PPP5C: variants seen among roughly 807,000 people sequenced by gnomAD.
PPP5C encodes the protein protein phosphatase 5 catalytic subunit.
In PPP5C, 21 loss-of-function variants were observed where a neutral mutation model predicts 66.7. The ratio of observed to expected loss-of-function variants is 0.31; its 90% confidence interval spans 0.22 to 0.45. PPP5C has a LOEUF of 0.45. Among genes scored for constraint, PPP5C ranks in the 20% least tolerant of loss-of-function variants. The pLI, the probability that PPP5C is intolerant of heterozygous loss-of-function variation, is 1.00. For synonymous variants in PPP5C, 246 were observed against 257.4 expected (o/e 0.96, Z 0.43); for missense variants, 464 against 675.9 (o/e 0.69, Z 3.48).
chr19:46,347,802 A>C (rs1007255422), intron 1 of PPP5C, among the ~76,000 whole-genome samples: 3 of 152,164 alleles, frequency 2.0e-5, no homozygotes, highest in African/African-American at 7.2e-5. Flanking sequence ...TGGGGCACCC[A>C]TTCATTCATT....
chr19:46,371,520 C>T (rs1239745328), intron 2 of PPP5C, among the ~76,000 whole-genome samples: 1 of 152,152 alleles, frequency 6.6e-6, no homozygotes, highest in Non-Finnish European at 1.5e-5. Context: ...GAGGGTAGCT[C>T]ACTCCACTGA....
intron 12 of PPP5C, 67 bp downstream of exon 12, chr19:46,390,199 G>A: frequency 3.1e-6 from 5 of 1,609,410 alleles, no homozygotes; most frequent in Non-Finnish European, 4.3e-6. Flanking sequence ...TGAGACCCTG[G>A]TAAGGGGCAG....
At chr19:46,385,728 C>T (rs1972871818) in intron 7 of PPP5C, among the ~76,000 whole-genome samples, 1 of 150,728 alleles carries the variant, frequency 6.6e-6, no homozygotes, top group Non-Finnish European at 1.5e-5. Context: ...TGCAATGAGC[C>T]GAGATTGCGC....
At chr19:46,380,530 T>C (rs920274668) in intron 4 of PPP5C, among the ~76,000 whole-genome samples, 2 of 152,212 alleles carry the variant, frequency 1.3e-5, no homozygotes, top group African/African-American at 4.8e-5. Flanking sequence ...TCTTCTTCCA[T>C]ATGTGAGTTT....
chr19:46,355,121 A>G (rs1205156011), intron 2 of PPP5C, among the ~76,000 whole-genome samples: 1 of 152,242 alleles, frequency 6.6e-6, no homozygotes, highest in Non-Finnish European at 1.5e-5. Context: ...GGTTAGTAGC[A>G]GAGCTGGGAT....
At position 46,373,143 on chromosome 19, in the gene PPP5C, G is replaced by C. The variant is rs931268012; in HGVS notation, c.364-2461G>C. 3.3e-5 allele frequency among the ~76,000 whole-genome samples: 5 copies of C among 152,242 alleles called. No individual in the cohort carries two copies. In the South Asian group the frequency reaches 1.0e-3, roughly 31 times the overall value. ...TTCAGACCCAGGAGGCCTAGTCCCA[G>C]AGCCCAGGCTCATAACCACTGCCCC... On this transcript the variant is annotated intron_variant, in intron 2 of 12. Coordinates refer to ENST00000012443, the MANE Select transcript of PPP5C (RefSeq NM_006247.4).
intron 2 of PPP5C, among the ~76,000 whole-genome samples, chr19:46,364,677 A>G (rs1005377607): frequency 6.6e-6 from 1 of 152,040 alleles, no homozygotes; most frequent in Non-Finnish European, 1.5e-5. Context: ...AAATAATTGT[A>G]CCTTTCAAAT....
chr19:46,386,011 A>G (rs1052990833), intron 7 of PPP5C, among the ~76,000 whole-genome samples: 4 of 151,870 alleles, frequency 2.6e-5, no homozygotes, highest in South Asian at 2.1e-4. Context: ...AGGAACAGAC[A>G]CAGGTGTGAG....
chr19:46,348,374 C>T (rs1313669663), intron 1 of PPP5C, among the ~76,000 whole-genome samples: 4 of 143,046 alleles, frequency 2.8e-5, no homozygotes, highest in East Asian at 2.0e-4. Context: ...AGTGCAATGG[C>T]GCAATCTCGG....
At chr19:46,356,914 A>AGCT (rs1382970927) in intron 2 of PPP5C, among the ~76,000 whole-genome samples, 3 of 152,232 alleles carry the variant, frequency 2.0e-5, no homozygotes, top group African/African-American at 7.2e-5. Context: ...CAGGACGCCT[A>AGCT]GGTTCACAGC....
Position 46,387,467 on chromosome 19 carries a change from G to A in PPP5C, c.1135+14G>A. ...CCCCAGATTCAGGTGAGCAGCGCGGGGCCAGGTGTCTCCAGCAGAAAGGGG... is the reference window on the plus strand; with the variant it reads ...CCCCAGATTCAGGTGAGCAGCGCGGAGCCAGGTGTCTCCAGCAGAAAGGGG... On this transcript the variant is annotated intron_variant, in intron 9 of 12. Coordinates refer to ENST00000012443, the MANE Select transcript of PPP5C (RefSeq NM_006247.4). The A allele has an allele frequency of 6.2e-7, 1 of 1,613,960 alleles. No individual in the cohort carries two copies. The highest frequency in any genetic ancestry group is 8.5e-7 in the Non-Finnish European group (1 of 1,179,828).
chr19:46,347,138 C>A lies in PPP5C; in HGVS notation c.42C>A (p.Pro14=), dbSNP rs752059380. 2 of 1,605,056 alleles carry A rather than the reference C, an allele frequency of 1.2e-6. No individual in the cohort carries two copies. The highest frequency in any genetic ancestry group is 8.5e-7 in the Non-Finnish European group (1 of 1,176,186). The change falls in exon 1 of 13, where the codon CCC becomes CCA. Residue 14 remains proline, a synonymous_variant. Transcript: ENST00000012443. The part of the protein sequence containing the change: ...AEGERTECAE[P]PRDEPPADGA... ...GCGAGAGGACTGAGTGTGCTGAGCC[C>A]CCCCGGGACGAACCCCCGGCTGATG... is the stretch of plus-strand genomic sequence containing the variant.
chr19:46,354,193 T>C (rs953186048), intron 2 of PPP5C, among the ~76,000 whole-genome samples: 3 of 152,228 alleles, frequency 2.0e-5, no homozygotes, highest in African/African-American at 7.2e-5. Flanking sequence ...CCTGAGCCAG[T>C]TACCCCGCCT....
intron 2 of PPP5C, among the ~76,000 whole-genome samples, chr19:46,366,268 G>A (rs1419126555): frequency 1.3e-5 from 2 of 152,148 alleles, no homozygotes; most frequent in Admixed American, 6.5e-5. Context: ...ATTTGGGCCA[G>A]GGTTGAGAGA....
In PPP5C at chr19:46,376,741, A is replaced by T; in HGVS notation, c.633+167A>T. 2 of 939,368 alleles carry T rather than the reference A, an allele frequency of 2.1e-6. No homozygotes were observed. Among genetic ancestry groups the T allele is most frequent in the Non-Finnish European group, 3.1e-6 (2 of 651,112 alleles). The allele number at this position is 939,368 out of a possible 1,614,324, so 58.2% of individuals were successfully genotyped here. ...TGCCGAGGGCTTACCACATGATCTC[A>T]TCTCGTCCCACAGCAGTTTGGGGAG... is the stretch of plus-strand genomic sequence containing the variant. On this transcript the variant is annotated intron_variant, in intron 4 of 12. Transcript: ENST00000012443. The surrounding 1 kb of genome is among the most constrained non-coding windows in gnomAD (Gnocchi z 5.1).
intron 2 of PPP5C, among the ~76,000 whole-genome samples, chr19:46,373,481 G>A (rs1202857528): frequency 6.6e-6 from 1 of 152,238 alleles, no homozygotes; most frequent in East Asian, 1.9e-4. Context: ...CTAGAAGTGA[G>A]CTGTGTATTA....
At chr19:46,371,668 T>C (rs1972595503) in intron 2 of PPP5C, among the ~76,000 whole-genome samples, 1 of 152,130 alleles carries the variant, frequency 6.6e-6, no homozygotes, top group Admixed American at 6.5e-5. Flanking sequence ...TGACTTATTA[T>C]ACAGAGAATG....
chr19:46,380,378 C>A (rs1972769617), intron 4 of PPP5C, among the ~76,000 whole-genome samples: 1 of 152,088 alleles, frequency 6.6e-6, no homozygotes, highest in Non-Finnish European at 1.5e-5. Flanking sequence ...TTCTCCCAGC[C>A]TTTGTGCTCT....
intron 2 of PPP5C, among the ~76,000 whole-genome samples, chr19:46,370,711 C>T (rs144440373): frequency 6.6e-6 from 1 of 151,984 alleles, no homozygotes; most frequent in Non-Finnish European, 1.5e-5. Context: ...GCTGACTAAA[C>T]ATCATTATAC....
Sources: allele counts gnomAD v4.1 joint callset (sites outside exome capture counted in the v4.1 genomes callset), GRCh38; gene constraint gnomAD v4.1.1; non-coding constraint Gnocchi (gnomAD v3.1); transcripts MANE v1.5; gene names NCBI Gene and HGNC (gene_info 2026-07-23, HGNC 2026-07-21).